CFAP54: variants seen among roughly 807,000 people sequenced by gnomAD.
The protein encoded by CFAP54 is cilia and flagella associated protein 54, also known as cilia- and flagella-associated protein 54.
A neutral mutation model predicts 370.4 loss-of-function variants in CFAP54; 290 were observed. That is an observed-to-expected ratio of 0.78 (90% CI 0.71 to 0.86). The LOEUF is 0.86. CFAP54 is among the 40% of genes least tolerant of loss of function. The probability of loss-of-function intolerance (pLI) is 0.00; values close to 1 mark genes in which losing one functional copy is unlikely to be tolerated. For missense variants in CFAP54, 3,399 were observed against 3,528.7 expected (o/e 0.96, Z 0.93); for synonymous variants, 1,206 against 1,236.5 (o/e 0.98, Z 0.52).
At chr12:96,606,678 G>T (rs150365188) in intron 26 of CFAP54, among the ~76,000 whole-genome samples, 67 of 152,246 alleles carry the variant, frequency 4.4e-4, no homozygotes, top group Middle Eastern at 3.4e-3. Flanking sequence ...TAGCCTGAGC[G>T]GGCCAGTTGG....
At chr12:96,818,033 CGAGACAT>C in intron 65 of CFAP54, 120 bp downstream of exon 65, 1 of 694,218 alleles carries the variant, frequency 1.4e-6, no homozygotes, top group Non-Finnish European at 2.1e-6. Context: ...ATTCAGAGTA[CGAGACAT>C]GACTCAACTT....
At chr12:96,708,543 G>A in intron 47 of CFAP54, 65 bp from the exon 48 acceptor site, 2 of 1,388,458 alleles carry the variant, frequency 1.4e-6, no homozygotes, top group Non-Finnish European at 2.0e-6. Context: ...GCAAAAGAAT[G>A]AATATAATAA....
intron 32 of CFAP54, among the ~76,000 whole-genome samples, chr12:96,639,946 T>C (rs1444213756): frequency 6.6e-6 from 1 of 152,126 alleles, no homozygotes; most frequent in Non-Finnish European, 1.5e-5. Context: ...ATAAGAGCTA[T>C]CTATGACAAA....
intron 49 of CFAP54, 35 bp from the exon 50 acceptor site, chr12:96,720,370 C>A: frequency 7.4e-7 from 1 of 1,354,808 alleles, no homozygotes. Flanking sequence ...TGTATTATTT[C>A]TGAACTCACG....
chr12:96,564,787 T>C (rs1307758320), intron 19 of CFAP54, 22 bp downstream of exon 19: 1 of 568,448 alleles, frequency 1.8e-6, no homozygotes. Context: ...TCATTTCTTC[T>C]TTTAATCCTG....
chr12:96,677,129 A>T (rs931619552), intron 39 of CFAP54, among the ~76,000 whole-genome samples: 52 of 152,020 alleles, frequency 3.4e-4, no homozygotes, highest in African/African-American at 1.2e-3. Context: ...CAGCCTCCCA[A>T]GTAGCTAGGA....
chr12:96,556,588 G>T (rs1008633126), intron 17 of CFAP54, among the ~76,000 whole-genome samples: 3 of 151,882 alleles, frequency 2.0e-5, no homozygotes, highest in Non-Finnish European at 4.4e-5. Flanking sequence ...CAAAATCAAG[G>T]TGTCACATGC....
At chr12:96,832,534 A>C (rs1592795319) in intron 66 of CFAP54, among the ~76,000 whole-genome samples, 1 of 152,058 alleles carries the variant, frequency 6.6e-6, no homozygotes, top group East Asian at 1.9e-4. Context: ...TATTTGTCAT[A>C]AGGCCTAGTA....
At chr12:96,651,027 C>T (rs541033706) in intron 35 of CFAP54, among the ~76,000 whole-genome samples, 16 of 152,186 alleles carry the variant, frequency 1.1e-4, no homozygotes, top group Non-Finnish European at 1.9e-4. Flanking sequence ...CACCCAACAC[C>T]CTCACTGCCA....
chr12:96,805,998 C>A, intron 63 of CFAP54, among the ~76,000 whole-genome samples: 1 of 149,868 alleles, frequency 6.7e-6, no homozygotes, highest in Non-Finnish European at 1.5e-5. Context: ...GGAAGCTAAA[C>A]AATGAATAAA....
intron 66 of CFAP54, among the ~76,000 whole-genome samples, chr12:96,858,340 ATTGT>A (rs1959771702): frequency 6.6e-6 from 1 of 151,744 alleles, no homozygotes; most frequent in South Asian, 2.1e-4. Context: ...TTTTAGTGGG[ATTGT>A]TTTTCTCTTG....
chr12:96,658,146 AT>A, intron 37 of CFAP54, 41 bp downstream of exon 37: 1 of 1,537,942 alleles, frequency 6.5e-7, no homozygotes, highest in South Asian at 1.2e-5. Flanking sequence ...AGAAGACTTC[AT>A]TGAAAAAAAA....
At position 96,663,891 on chromosome 12, in the gene CFAP54, C is replaced by A; in HGVS notation, c.5522C>A (p.Thr1841Lys). 1 of 1,613,318 alleles carries A rather than the reference C, an allele frequency of 6.2e-7. No homozygotes were observed. Among genetic ancestry groups the A allele is most frequent in the African/African-American group, 1.3e-5 (1 of 75,004 alleles). ...LKINSSTIEATSNCTDLLKML... is the reference protein window; with the variant it reads ...LKINSSTIEAKSNCTDLLKML... ...ATTAATTCTTCAACCATTGAAGCAACAAGCAACTGCACAGATTTGCTAAAA... is the reference window on the plus strand; with the variant it reads ...ATTAATTCTTCAACCATTGAAGCAAAAAGCAACTGCACAGATTTGCTAAAA... Residue 1841 changes from threonine to lysine, a missense_variant, in exon 39 of 68, where the codon ACA (threonine) becomes AAA (lysine). Physicochemically the swap from Thr to Lys is moderately conservative, Grantham distance 78. This residue lies in a region of CFAP54 where 2,796 missense variants were observed against 2,869.7 expected (regional missense o/e 0.97). Transcript: ENST00000524981.
At chr12:96,721,520 C>T (rs546926682) in intron 50 of CFAP54, among the ~76,000 whole-genome samples, 52 of 152,234 alleles carry the variant, frequency 3.4e-4, no homozygotes, top group African/African-American at 1.0e-3. Flanking sequence ...AATATTACAG[C>T]GCTTTTTTCA....
At chr12:96,835,098 G>A (rs762898048) in intron 66 of CFAP54, among the ~76,000 whole-genome samples, 2 of 151,850 alleles carry the variant, frequency 1.3e-5, no homozygotes, top group Non-Finnish European at 2.9e-5. Context: ...AGGCAGGTTG[G>A]TCTGATGTTT....
intron 65 of CFAP54, among the ~76,000 whole-genome samples, chr12:96,827,086 A>G (rs917546405): frequency 7.6e-6 from 1 of 131,364 alleles, no homozygotes; most frequent in Non-Finnish European, 1.6e-5. Context: ...ATATGTGATT[A>G]TATATAATGT....
intron 16 of CFAP54, 48 bp downstream of exon 16, chr12:96,554,358 G>A (rs1955729933): frequency 6.9e-7 from 1 of 1,455,444 alleles, no homozygotes; most frequent in Non-Finnish European, 9.0e-7. Flanking sequence ...ACTTAACTGG[G>A]AAGAAAACTG....
intron 1 of CFAP54, among the ~76,000 whole-genome samples, chr12:96,498,971 T>A (rs1954991028): frequency 1.3e-5 from 2 of 152,056 alleles, no homozygotes; most frequent in Non-Finnish European, 2.9e-5. Context: ...ATATTTTTAT[T>A]TATTTATTTA....
chr12:96,518,465 T>C (rs569547364), intron 5 of CFAP54, among the ~76,000 whole-genome samples: 1 of 152,088 alleles, frequency 6.6e-6, no homozygotes. Flanking sequence ...GGCGGGTGGA[T>C]CACTTGAGGT....
Sources: gnomAD v4.1 joint callset for allele counts (sites outside exome capture counted in the v4.1 genomes callset) on GRCh38, gnomAD v4.1.1 for gene constraint, gnomAD v4.1.1 regional missense constraint, MANE v1.5 for transcripts, NCBI Gene and HGNC (gene_info 2026-07-23, HGNC 2026-07-21) for gene names.